Variants in KLF12 observed in about 807,000 individuals in gnomAD.
KLF12 encodes Krueppel-like factor 12.
Under a neutral mutation model 37.8 loss-of-function variants are expected in KLF12, and 9 were observed. The ratio of observed to expected loss-of-function variants is 0.24; its 90% CI spans 0.14 to 0.42. The LOEUF (loss-of-function observed/expected upper bound fraction) is 0.42. KLF12 is among the 10% of genes least tolerant of loss of function. The pLI is 1.00. For synonymous variants in KLF12, 208 were observed against 202.1 expected, an observed-to-expected ratio of 1.03 and a Z score of -0.25; for missense variants, 411 against 516.0, an observed-to-expected ratio of 0.80 and a Z score of 1.97.
intron 3 of KLF12, among the ~76,000 whole-genome samples, chr13:73,868,876 A>G (rs1245882574): frequency 6.6e-6 from 1 of 152,236 alleles, no homozygotes; most frequent in Non-Finnish European, 1.5e-5. Context: ...GGTTTTATGA[A>G]GCTGGCATAC....
chr13:73,906,239 A>C (rs571360252), intron 3 of KLF12, among the ~76,000 whole-genome samples: 1 of 152,272 alleles, frequency 6.6e-6, no homozygotes, highest in East Asian at 1.9e-4. Flanking sequence ...ACTTTGTACA[A>C]CCTGAATCTT....
At chr13:74,140,613 G>A in the KLF12 span, among the ~76,000 whole-genome samples, 8 of 152,212 alleles carry the variant, frequency 5.3e-5, no homozygotes, top group Admixed American at 2.0e-4. Context: ...AACAAGAATG[G>A]CTTGAGTTTT....
chr13:74,167,760 C>T, the KLF12 span, among the ~76,000 whole-genome samples: 2 of 152,144 alleles, frequency 1.3e-5, no homozygotes, highest in African/African-American at 4.8e-5. Context: ...ATGTCTACAT[C>T]GTAAAATCAT....
chr13:73,948,332 G>T (rs1389701412), intron 2 of KLF12, among the ~76,000 whole-genome samples: 1 of 151,914 alleles, frequency 6.6e-6, no homozygotes, highest in Non-Finnish European at 1.5e-5. Context: ...AGCAATTCTT[G>T]TGCCTCAGCA....
intron 6 of KLF12, among the ~76,000 whole-genome samples, chr13:73,752,469 C>T (rs1203140977): frequency 1.3e-5 from 1 of 74,432 alleles, no homozygotes; most frequent in African/African-American, 8.4e-5. Flanking sequence ...ATGGCACCTA[C>T]CTTTACATCT....
intron 5 of KLF12, among the ~76,000 whole-genome samples, chr13:73,766,594 A>G (rs1351828351): frequency 1.3e-5 from 2 of 152,170 alleles, no homozygotes; most frequent in Admixed American, 1.3e-4. Flanking sequence ...AACTTTCCCT[A>G]TACCCTCACT....
At chr13:73,780,309 G>A (rs959745887) in intron 5 of KLF12, among the ~76,000 whole-genome samples, 1 of 151,974 alleles carries the variant, frequency 6.6e-6, no homozygotes, top group African/African-American at 2.4e-5. Flanking sequence ...TTCCTTAATG[G>A]CGATTTCTGA....
At chr13:73,963,316 C>T (rs1441511156) in intron 2 of KLF12, among the ~76,000 whole-genome samples, 2 of 125,764 alleles carry the variant, frequency 1.6e-5, no homozygotes, top group African/African-American at 6.2e-5. Flanking sequence ...CACACACACA[C>T]ACACGTATAT....
chr13:74,078,272 T>C (rs1430460074), intron 1 of KLF12, among the ~76,000 whole-genome samples: 1 of 152,214 alleles, frequency 6.6e-6, no homozygotes, highest in Non-Finnish European at 1.5e-5. Flanking sequence ...AGTCTCCTCT[T>C]TCATAAATTG....
intron 5 of KLF12, among the ~76,000 whole-genome samples, chr13:73,772,625 C>T (rs559938567): frequency 4.6e-5 from 7 of 152,258 alleles, no homozygotes; most frequent in African/African-American, 1.2e-4. Flanking sequence ...AAAGGTTTAG[C>T]GAGCCTGGAG....
chr13:73,908,275 C>A (rs1347399386), intron 3 of KLF12, among the ~76,000 whole-genome samples: 1 of 149,166 alleles, frequency 6.7e-6, no homozygotes, highest in African/African-American at 2.5e-5. Flanking sequence ...GTAGTGCGTG[C>A]CTGTAGTCCC....
chr13:73,787,514 T>G (rs982516636), intron 5 of KLF12, among the ~76,000 whole-genome samples: 18 of 152,260 alleles, frequency 1.2e-4, no homozygotes, highest in African/African-American at 4.3e-4. Context: ...GTTCTTGCTC[T>G]GTGCCATGTT....
At chr13:74,204,080 C>T in the KLF12 span, among the ~76,000 whole-genome samples, 3 of 152,124 alleles carry the variant, frequency 2.0e-5, no homozygotes, top group South Asian at 6.2e-4. Context: ...CTTCCATCAC[C>T]ACCACCATCA....
At chr13:73,987,312 T>C (rs1329303052) in intron 2 of KLF12, among the ~76,000 whole-genome samples, 2 of 152,116 alleles carry the variant, frequency 1.3e-5, no homozygotes, top group Non-Finnish European at 2.9e-5. Flanking sequence ...ATACAACTGT[T>C]GATACATAAA....
chr13:73,768,079 T>C (rs1251656122), intron 5 of KLF12, among the ~76,000 whole-genome samples: 3 of 152,148 alleles, frequency 2.0e-5, no homozygotes, highest in Non-Finnish European at 4.4e-5. Flanking sequence ...ATGAAGTGGT[T>C]AAGAGTGAAA....
At chr13:73,944,650 T>G (rs992979820) in intron 2 of KLF12, among the ~76,000 whole-genome samples, 1 of 152,218 alleles carries the variant, frequency 6.6e-6, no homozygotes, top group Admixed American at 6.5e-5. Context: ...AAGAGTGAAT[T>G]TTTAGGCTAA....
In KLF12 at chr13:73,873,224, T is replaced by C. The variant is rs142144022; in HGVS notation, c.124-26851A>G. 4.0e-3 allele frequency among the ~76,000 whole-genome samples: 615 copies of C among 152,242 alleles called. 4 individuals carry two copies. Among genetic ancestry groups the C allele is most frequent in the African/African-American group, 0.01 (433 of 41,562 alleles). On this transcript the variant is annotated intron_variant, in intron 3 of 7. Coordinates refer to ENST00000377669, the MANE Select transcript of KLF12 (RefSeq NM_007249.5). ...CATTAAATGAGGACTTCAATAAGAA[T>C]TCAGAGAAATCACTTATAGTAAACT...
chr13:74,302,636 G>A, the KLF12 span, among the ~76,000 whole-genome samples: 1 of 152,104 alleles, frequency 6.6e-6, no homozygotes, highest in African/African-American at 2.4e-5. Context: ...AGTCCCCACT[G>A]CTAGACTGAA....
At chr13:74,263,940 A>G in the KLF12 span, among the ~76,000 whole-genome samples, 2 of 152,072 alleles carry the variant, frequency 1.3e-5, no homozygotes, top group African/African-American at 4.8e-5. Context: ...TTTTTTTTCT[A>G]GGCAGCCACA....
Sources: gnomAD v4.1 joint callset for allele counts (sites outside exome capture counted in the v4.1 genomes callset) on GRCh38, gnomAD v4.1.1 for gene constraint, MANE v1.5 for transcripts, NCBI Gene and HGNC (gene_info 2026-07-23, HGNC 2026-07-21) for gene names.